CDH13: variants seen among roughly 807,000 people sequenced by gnomAD.
The protein encoded by CDH13 is cadherin-13.
Under a neutral mutation model 63.8 loss-of-function variants are expected in CDH13, and 24 were observed. The observed-to-expected ratio is 0.38, with a 90% CI of 0.27 to 0.53. The LOEUF (loss-of-function observed/expected upper bound fraction) is 0.53, where lower values mean the gene tolerates loss of function less well. CDH13 is among the 20% of genes least tolerant of loss of function. CDH13 has a pLI of 0.85. For synonymous variants in CDH13, 503 were observed against 355.3 expected (o/e 1.42, Z -4.67); for missense variants, 1,049 against 903.1 (o/e 1.16, Z -2.07).
intron 1 of CDH13, among the ~76,000 whole-genome samples, chr16:82,677,652 C>T (rs142191354): frequency 3.3e-5 from 5 of 152,188 alleles, no homozygotes; most frequent in African/African-American, 1.2e-4. Flanking sequence ...GACTCTGACC[C>T]GGGTCTCCAG....
At chr16:83,376,404 T>TA (rs1284975952) in intron 6 of CDH13, among the ~76,000 whole-genome samples, 1 of 151,954 alleles carries the variant, frequency 6.6e-6, no homozygotes, top group Non-Finnish European at 1.5e-5. Flanking sequence ...GGTGGTCGCT[T>TA]AAGGGAAAAG....
intron 5 of CDH13, among the ~76,000 whole-genome samples, chr16:83,314,867 C>A (rs1239289288): frequency 6.6e-6 from 1 of 152,170 alleles, no homozygotes; most frequent in Non-Finnish European, 1.5e-5. Context: ...CTTTTCCAAC[C>A]TATTCTTCTT....
At chr16:83,726,050 A>G (rs1910345342) in intron 10 of CDH13, 3 of 152,162 alleles carry the variant, frequency 2.0e-5, no homozygotes, top group Non-Finnish European at 2.9e-5. Context: ...TTGTCTTTTC[A>G]CTTTCTGCAC....
At chr16:83,713,428 T>G (rs550923774) in intron 10 of CDH13, among the ~76,000 whole-genome samples, 1 of 151,872 alleles carries the variant, frequency 6.6e-6, no homozygotes, top group South Asian at 2.1e-4. Context: ...TTATACAGAG[T>G]TGGGGAGGGA....
intron 5 of CDH13, among the ~76,000 whole-genome samples, chr16:83,236,237 G>GCGCACACA (rs1555517178): frequency 6.0e-5 from 9 of 148,898 alleles, no homozygotes; most frequent in Admixed American, 1.3e-4. Context: ...ACACGCACAT[G>GCGCACACA]CACACACACA....
rs184848584 is a variant in CDH13, at chr16:83,070,402, A to G, written c.366+38184A>G. 1.7e-3 allele frequency among the ~76,000 whole-genome samples: 261 copies of G among 152,310 alleles called. 1 individual carries two copies. The highest frequency in any genetic ancestry group is 5.9e-3 in the African/African-American group (244 of 41,578). On this transcript the variant is annotated intron_variant, in intron 3 of 13. Transcript: ENST00000567109. ...TAACAAAAATTGGAACTTTCCCTTT[A>G]TCTTCTTTTCTTCTTAAAGAATAAG...
At chr16:83,492,960 C>G (rs1228799924) in intron 7 of CDH13, among the ~76,000 whole-genome samples, 1 of 152,184 alleles carries the variant, frequency 6.6e-6, no homozygotes, top group Non-Finnish European at 1.5e-5. Context: ...TTAGTTGAAA[C>G]CTGGCTTCAG....
At chr16:83,026,205 G>C (rs1310686834) in intron 2 of CDH13, among the ~76,000 whole-genome samples, 2 of 152,246 alleles carry the variant, frequency 1.3e-5, no homozygotes, top group East Asian at 3.9e-4. Flanking sequence ...AAAGGGGTTT[G>C]TGAGATGCCC....
intron 7 of CDH13, among the ~76,000 whole-genome samples, chr16:83,498,925 A>T (rs554688696): frequency 6.6e-5 from 10 of 152,288 alleles, no homozygotes; most frequent in Admixed American, 3.9e-4. Flanking sequence ...GGCTATGGAG[A>T]ACAGACTCTC....
chr16:82,682,578 T>G (rs1415759816), intron 1 of CDH13, among the ~76,000 whole-genome samples: 1 of 151,788 alleles, frequency 6.6e-6, no homozygotes, highest in Non-Finnish European at 1.5e-5. Context: ...AATCATTAAG[T>G]AAAGAGAGAG....
chr16:82,930,350 T>C (rs898282370), intron 2 of CDH13, among the ~76,000 whole-genome samples: 1 of 152,204 alleles, frequency 6.6e-6, no homozygotes, highest in Non-Finnish European at 1.5e-5. Flanking sequence ...TTTTGAATAC[T>C]GTAATAGATC....
chr16:82,723,807 A>T (rs538569265), intron 1 of CDH13, among the ~76,000 whole-genome samples: 2 of 152,196 alleles, frequency 1.3e-5, no homozygotes, highest in African/African-American at 4.8e-5. Context: ...TAAAAAAAAT[A>T]TAAGAAATTG....
intron 11 of CDH13, among the ~76,000 whole-genome samples, chr16:83,766,400 A>G (rs1168754911): frequency 6.6e-6 from 1 of 152,248 alleles, no homozygotes; most frequent in East Asian, 1.9e-4. Flanking sequence ...AAAAACCACA[A>G]TTACTTGTGC....
rs1461636046 is a variant in CDH13, at chr16:83,795,383, G to A, written c.*353G>A. ...CAGCTTTGTCTGTGGGTTAGTATTG[G>A]TGTATGTATGAGTATCTGTATGTAT... On this transcript the variant is annotated 3_prime_UTR_variant, in exon 14 of 14. Coordinates refer to ENST00000567109, the MANE Select transcript of CDH13 (RefSeq NM_001257.5). 6 of 302,176 alleles carry A rather than the reference G, an allele frequency of 2.0e-5. No homozygotes were observed. Among genetic ancestry groups the A allele is most frequent in the Non-Finnish European group, 2.5e-5 (4 of 159,468 alleles). 18.7% of individuals were successfully genotyped at this position (302,176 alleles called of 1,614,324 possible).
At chr16:83,288,450 G>T (rs149424423) in intron 5 of CDH13, among the ~76,000 whole-genome samples, 1 of 152,182 alleles carries the variant, frequency 6.6e-6, no homozygotes, top group East Asian at 1.9e-4. Flanking sequence ...ACAAGGAGAC[G>T]GAAGGTGGAG....
At chr16:83,443,705 GAAAAAAAAAAAAAA>G (rs1167862979) in intron 6 of CDH13, among the ~76,000 whole-genome samples, 94 of 107,078 alleles carry the variant, frequency 8.8e-4, no homozygotes, top group Non-Finnish European at 1.3e-3. Context: ...AAGTCCCTAC[GAAAAAAAAAAAAAA>G]AAAAAAAAAA....
chr16:82,715,800 C>G (rs1445385558), intron 1 of CDH13, among the ~76,000 whole-genome samples: 2 of 152,174 alleles, frequency 1.3e-5, no homozygotes, highest in African/African-American at 4.8e-5. Context: ...AAATTACAAG[C>G]CACAGTCTCA....
intron 4 of CDH13, among the ~76,000 whole-genome samples, chr16:83,217,102 CTG>C (rs1413246248): frequency 6.6e-6 from 1 of 152,192 alleles, no homozygotes; most frequent in Non-Finnish European, 1.5e-5. Context: ...TGATCCATCA[CTG>C]TATGTCACCC....
chr16:83,508,659 G>C (rs2074481234), intron 7 of CDH13, among the ~76,000 whole-genome samples: 2 of 152,132 alleles, frequency 1.3e-5, no homozygotes, highest in Admixed American at 1.3e-4. Context: ...CAGTGAGTTT[G>C]AACACCAGTT....
Sources: allele counts gnomAD v4.1 joint callset (sites outside exome capture counted in the v4.1 genomes callset), GRCh38; gene constraint gnomAD v4.1.1; transcripts MANE v1.5; gene names NCBI Gene and HGNC (gene_info 2026-07-23, HGNC 2026-07-21).